DPYD: variants seen among roughly 807,000 people sequenced by gnomAD.
DPYD encodes the protein dihydropyrimidine dehydrogenase.
A neutral mutation model predicts 116.2 loss-of-function variants in DPYD; 109 were observed. The ratio of observed to expected loss-of-function variants is 0.94; its 90% CI spans 0.80 to 1.10. DPYD has a LOEUF of 1.10. Ranked by LOEUF, DPYD falls within the 50% of genes least tolerant of loss-of-function variation. The probability of loss-of-function intolerance (pLI) is 0.00; values close to 1 mark genes in which losing one functional copy is unlikely to be tolerated. For synonymous variants in DPYD, 440 were observed against 432.0 expected, an observed-to-expected ratio of 1.02 and a Z score of -0.23; for missense variants, 1,302 against 1,254.5, an observed-to-expected ratio of 1.04 and a Z score of -0.57.
chr1:97,747,652 T>C (rs968398180), intron 3 of DPYD, among the ~76,000 whole-genome samples: 19 of 152,326 alleles, frequency 1.2e-4, no homozygotes, highest in African/African-American at 4.6e-4. Context: ...TGTAGCTATG[T>C]ATGTACATAG....
intron 14 of DPYD, among the ~76,000 whole-genome samples, chr1:97,437,586 C>A (rs1444359435): frequency 6.6e-6 from 1 of 151,732 alleles, no homozygotes; most frequent in Non-Finnish European, 1.5e-5. Flanking sequence ...AGTAAAATAT[C>A]TGGGTCATAT....
intron 13 of DPYD, among the ~76,000 whole-genome samples, chr1:97,477,541 G>T (rs962361715): frequency 3.3e-5 from 5 of 151,254 alleles, no homozygotes; most frequent in African/African-American, 9.7e-5. Context: ...ATGATTATTG[G>T]AATCAAATTC....
intron 12 of DPYD, among the ~76,000 whole-genome samples, chr1:97,525,194 C>T (rs552175683): frequency 4.6e-5 from 7 of 152,240 alleles, no homozygotes; most frequent in East Asian, 1.9e-4. Flanking sequence ...CTCAGTCTTT[C>T]GCAGCACAGG....
rs935041079 is a variant in DPYD, at chr1:97,683,178, A to T, written c.763-3996T>A. Among the ~76,000 whole-genome samples, 6 of 152,152 alleles carry T rather than the reference A, an allele frequency of 3.9e-5. No homozygotes were observed. The East Asian group carries it at 1.2e-3, about 29-fold the overall frequency. Reference sequence around the variant, plus strand: ...GGTTAAATAGACCAAATATTTCCAGATGCTCTAAGATAGAAAATAAAATGA... The same window carrying T: ...GGTTAAATAGACCAAATATTTCCAGTTGCTCTAAGATAGAAAATAAAATGA... On this transcript the variant is annotated intron_variant, in intron 7 of 22. Coordinates refer to ENST00000370192, the MANE Select transcript of DPYD (RefSeq NM_000110.4).
intron 13 of DPYD, among the ~76,000 whole-genome samples, chr1:97,485,075 G>C (rs918459272): frequency 2.0e-5 from 3 of 152,140 alleles, no homozygotes; most frequent in Admixed American, 6.5e-5. Context: ...TATTCTGTTT[G>C]AGATTCATTG....
chr1:97,308,197 G>A (rs573017355), intron 16 of DPYD, among the ~76,000 whole-genome samples: 1 of 151,766 alleles, frequency 6.6e-6, no homozygotes, highest in South Asian at 2.1e-4. Context: ...CTTACCCATT[G>A]CTTAATGATC....
intron 4 of DPYD, among the ~76,000 whole-genome samples, chr1:97,724,310 GTGTGTGTGTGTGT>G (rs1444457489): frequency 0.015 from 1 of 66 alleles, no homozygotes; most frequent in Admixed American, 0.17. Flanking sequence ...GGGGGGGGGT[GTGTGTGTGTGTGT>G]GTGTGTGTGT....
At chr1:97,208,493 C>T (rs182647944) in intron 19 of DPYD, among the ~76,000 whole-genome samples, 21 of 151,848 alleles carry the variant, frequency 1.4e-4, no homozygotes, top group Admixed American at 1.4e-3. Context: ...GCTATGTTGC[C>T]CAGGCTGATC....
chr1:97,376,887 G>GTGTGTGTGTGTGTGTGTATATATATA lies in DPYD; in HGVS notation c.1975-3244_1975-3243insTATATATATACACACACACACACACA. Reference sequence around the variant, plus strand: ...AGTTTGTGTGTGTGTGTGTGTGTGTGTATATATATATATATGGTGTGGACT... The same window carrying GTGTGTGTGTGTGTGTGTATATATATA: ...AGTTTGTGTGTGTGTGTGTGTGTGTGTGTGTGTGTGTGTGTGTATATATATATATATATATATATATGGTGTGGACT... On this transcript the variant is annotated intron_variant, in intron 15 of 22. Coordinates refer to ENST00000370192, the MANE Select transcript of DPYD (RefSeq NM_000110.4). Among the ~76,000 whole-genome samples, 32 of 128,402 alleles carry GTGTGTGTGTGTGTGTGTATATATATA rather than the reference G, an allele frequency of 2.5e-4. 1 individual carries two copies. Among genetic ancestry groups the GTGTGTGTGTGTGTGTGTATATATATA allele is most frequent in the African/African-American group, 9.1e-4 (32 of 35,004 alleles). The allele number at this position is 128,402 out of a possible 152,430, so 84.2% of individuals were successfully genotyped here. A position where few individuals can be genotyped will look rare whatever the true frequency, so the allele number is the denominator to read the frequency against.
At chr1:97,892,919 C>A (rs1293718958) in intron 1 of DPYD, among the ~76,000 whole-genome samples, 4 of 151,724 alleles carry the variant, frequency 2.6e-5, no homozygotes, top group South Asian at 2.1e-4. Flanking sequence ...CTCTACTATT[C>A]TTGTTGGTTA....
intron 20 of DPYD, among the ~76,000 whole-genome samples, chr1:97,143,707 A>G (rs1356470646): frequency 1.3e-5 from 2 of 152,166 alleles, no homozygotes; most frequent in African/African-American, 4.8e-5. Context: ...TTGCCAGGCT[A>G]CTTAGCTATT....
intron 8 of DPYD, among the ~76,000 whole-genome samples, chr1:97,604,335 A>G (rs545769130): frequency 1.3e-5 from 2 of 152,274 alleles, no homozygotes; most frequent in South Asian, 2.1e-4. Context: ...TATGTGGACA[A>G]GTAAGCATAA....
At chr1:97,509,192 T>C (rs1220861467) in intron 13 of DPYD, among the ~76,000 whole-genome samples, 1 of 152,032 alleles carries the variant, frequency 6.6e-6, no homozygotes, top group Non-Finnish European at 1.5e-5. Context: ...GAAAACGTGT[T>C]GCTGCTTTTG....
intron 12 of DPYD, among the ~76,000 whole-genome samples, chr1:97,525,043 C>T (rs1022453387): frequency 3.9e-5 from 6 of 152,152 alleles, no homozygotes; most frequent in African/African-American, 1.4e-4. Flanking sequence ...CACCTTACAG[C>T]CAGTCTGTCA....
intron 12 of DPYD, among the ~76,000 whole-genome samples, chr1:97,520,292 C>T (rs1166520682): frequency 1.3e-5 from 2 of 152,092 alleles, no homozygotes; most frequent in African/African-American, 4.8e-5. Flanking sequence ...ACCAATAGTT[C>T]ATCACACTGT....
intron 12 of DPYD, among the ~76,000 whole-genome samples, chr1:97,543,390 C>T (rs1350498334): frequency 6.6e-6 from 1 of 152,168 alleles, no homozygotes; most frequent in Non-Finnish European, 1.5e-5. Flanking sequence ...GTGAAGCTCT[C>T]CTCAGAGAAA....
intron 12 of DPYD, among the ~76,000 whole-genome samples, chr1:97,526,140 T>G (rs1026538341): frequency 1.3e-5 from 2 of 152,120 alleles, no homozygotes; most frequent in Non-Finnish European, 2.9e-5. Flanking sequence ...TAGAATGAAC[T>G]CCTTTGGTGG....
chr1:97,526,253 C>G (rs1322335305), intron 12 of DPYD, among the ~76,000 whole-genome samples: 1 of 152,076 alleles, frequency 6.6e-6, no homozygotes, highest in African/African-American at 2.4e-5. Flanking sequence ...TGGGAATTCT[C>G]GAGGAAAGTA....
At chr1:97,361,895 A>T (rs1670746159) in intron 16 of DPYD, among the ~76,000 whole-genome samples, 1 of 152,234 alleles carries the variant, frequency 6.6e-6, no homozygotes, top group Admixed American at 6.5e-5. Context: ...AACTGGCACA[A>T]GACAGGGATG....
Sources: allele counts gnomAD v4.1 joint callset (sites outside exome capture counted in the v4.1 genomes callset), GRCh38; gene constraint gnomAD v4.1.1; transcripts MANE v1.5; gene names NCBI Gene and HGNC (gene_info 2026-07-23, HGNC 2026-07-21).